MTUS1: variants seen among roughly 807,000 people sequenced by gnomAD.
MTUS1 encodes microtubule associated scaffold protein 1, also known as microtubule-associated tumor suppressor 1.
MTUS1 carries 109 observed loss-of-function variants against 120.8 expected under a neutral mutation model. The observed-to-expected ratio is 0.90, with a 90% CI of 0.77 to 1.06. MTUS1 has a LOEUF of 1.06. Ranked by LOEUF, MTUS1 falls within the 50% of genes least tolerant of loss-of-function variation. The probability of loss-of-function intolerance (pLI) is 0.00; values close to 1 mark genes in which losing one functional copy is unlikely to be tolerated. For synonymous variants in MTUS1, 737 were observed against 550.5 expected (o/e 1.34, Z -4.74); for missense variants, 2,210 against 1,486.3 (o/e 1.49, Z -8.01).
At chr8:17,672,583 G>A (rs1812250211) in intron 8 of MTUS1, among the ~76,000 whole-genome samples, 1 of 152,118 alleles carries the variant, frequency 6.6e-6, no homozygotes, top group South Asian at 2.1e-4. Context: ...TTCCTGGACC[G>A]CTTCATCACA....
chr8:17,723,044 T>C (rs911087888), intron 4 of MTUS1, among the ~76,000 whole-genome samples: 2 of 152,244 alleles, frequency 1.3e-5, no homozygotes, highest in African/African-American at 4.8e-5. Context: ...TCACTGCGCC[T>C]ATCATGGTGT....
intron 8 of MTUS1, among the ~76,000 whole-genome samples, chr8:17,663,728 TG>T (rs1450271623): frequency 1.3e-5 from 2 of 152,146 alleles, no homozygotes. Flanking sequence ...CCTGAGTAGC[TG>T]GGATTACAGG....
chr8:17,755,769 T>C lies in MTUS1; in HGVS notation c.39A>G (p.Glu13=). ...TATCACTGGTAAAGAAGGTTTGCAA[T>C]TCATCTTCTATTTTATCATCTGAAT... ...DDNSDDKIED[E]LQTFFTSDKD... Residue 13 remains glutamate, a synonymous_variant, in exon 2 of 15, where the codon GAA becomes GAG. Transcript: ENST00000693296. 1.2e-6 allele frequency: 2 copies of C among 1,613,878 alleles called. No individual in the cohort carries two copies. The highest frequency in any genetic ancestry group is 1.7e-5 in the Admixed American group (1 of 60,020).
chr8:17,724,820 C>T (rs1585976489), intron 3 of MTUS1, among the ~76,000 whole-genome samples: 1 of 152,224 alleles, frequency 6.6e-6, no homozygotes, highest in East Asian at 1.9e-4. Flanking sequence ...ACCTGCAGCC[C>T]TATCTTCCTT....
intron 1 of MTUS1, among the ~76,000 whole-genome samples, chr8:17,768,009 C>A (rs1227413156): frequency 6.6e-6 from 1 of 152,218 alleles, no homozygotes; most frequent in Non-Finnish European, 1.5e-5. Context: ...TAAAAGGCCA[C>A]TGCTGTGTCC....
At chr8:17,752,758 C>A (rs2048297801) in intron 2 of MTUS1, among the ~76,000 whole-genome samples, 1 of 152,154 alleles carries the variant, frequency 6.6e-6, no homozygotes. Context: ...CTGCCTTTCT[C>A]CGCTGGCACT....
intron 6 of MTUS1, among the ~76,000 whole-genome samples, chr8:17,687,211 T>C (rs1324873469): frequency 6.6e-6 from 1 of 152,168 alleles, no homozygotes; most frequent in African/African-American, 2.4e-5. Flanking sequence ...TGCTGTGCAG[T>C]CACCATCTTC....
chr8:17,713,774 G>A (rs1335141688), intron 5 of MTUS1, among the ~76,000 whole-genome samples: 5 of 152,138 alleles, frequency 3.3e-5, no homozygotes, highest in Non-Finnish European at 7.4e-5. Context: ...AATCTATGAT[G>A]CTTCTACTTA....
At chr8:17,718,304 C>T (rs527857186) in intron 4 of MTUS1, among the ~76,000 whole-genome samples, 1 of 152,282 alleles carries the variant, frequency 6.6e-6, no homozygotes, top group South Asian at 2.1e-4. Context: ...AAGTCCTCAG[C>T]GGCAACAATT....
At chr8:17,647,585 G>A (rs1806089806) in intron 13 of MTUS1, among the ~76,000 whole-genome samples, 1 of 152,104 alleles carries the variant, frequency 6.6e-6, no homozygotes, top group Non-Finnish European at 1.5e-5. Flanking sequence ...GCGTCTGAGT[G>A]GCCATACAAA....
At position 17,668,169 on chromosome 8, in the gene MTUS1, C is replaced by A. The variant is rs185200703; in HGVS notation, c.2905+7017G>T. Among the ~76,000 whole-genome samples, 39 of 152,320 alleles carry A rather than the reference C, an allele frequency of 2.6e-4. No individual in the cohort carries two copies. The East Asian group carries it at 5.4e-3, about 21-fold the overall frequency. ...ACGTGGCCCAGGACAGCTTTGAATG[C>A]GGCCCAACACAAATTTGTAAACTTT... is the stretch of plus-strand genomic sequence containing the variant. On this transcript the variant is annotated intron_variant, in intron 8 of 14. Coordinates refer to ENST00000693296, the MANE Select transcript of MTUS1 (RefSeq NM_001363059.2).
At chr8:17,780,327 C>G (rs2050776239) in intron 1 of MTUS1, among the ~76,000 whole-genome samples, 1 of 152,222 alleles carries the variant, frequency 6.6e-6, no homozygotes, top group African/African-American at 2.4e-5. Context: ...CAGCAACATG[C>G]TTCCTGCACA....
At position 17,800,445 on chromosome 8, in the gene MTUS1, G is replaced by C. The variant is rs190392015; in HGVS notation, c.-155+616C>G. On this transcript the variant is annotated intron_variant, in intron 1 of 14. Coordinates refer to ENST00000693296, the MANE Select transcript of MTUS1 (RefSeq NM_001363059.2). ...GTATGTGTAACTACGCAGGCTAAAT[G>C]AATTAACCTCTTCCTTCCTAGTCCC... Among the ~76,000 whole-genome samples the C allele has an allele frequency of 3.5e-4, 54 of 152,184 alleles. No individual in the cohort carries two copies. The East Asian group carries it at 9.5e-3, about 27-fold the overall frequency.
intron 1 of MTUS1, among the ~76,000 whole-genome samples, chr8:17,791,293 A>G (rs991048292): frequency 2.6e-5 from 4 of 152,248 alleles, no homozygotes; most frequent in African/African-American, 9.6e-5. Context: ...TGCCACAAAC[A>G]TAGGGAATTA....
intron 1 of MTUS1, among the ~76,000 whole-genome samples, chr8:17,788,727 C>T: frequency 6.6e-6 from 1 of 152,168 alleles, no homozygotes; most frequent in South Asian, 2.1e-4. Flanking sequence ...AAATACTCCT[C>T]CCAGAGGAAG....
intron 5 of MTUS1, among the ~76,000 whole-genome samples, chr8:17,714,360 T>C (rs371959551): frequency 1.3e-5 from 2 of 152,200 alleles, no homozygotes; most frequent in East Asian, 3.8e-4. Flanking sequence ...AGGAGGATGC[T>C]GTGACAGAGT....
intron 1 of MTUS1, among the ~76,000 whole-genome samples, chr8:17,797,637 C>G (rs1391770054): frequency 6.6e-6 from 1 of 152,110 alleles, no homozygotes; most frequent in African/African-American, 2.4e-5. Flanking sequence ...GCCACAGTCA[C>G]CACTGTATCC....
chr8:17,729,543 C>G (rs1339066586), intron 3 of MTUS1, among the ~76,000 whole-genome samples: 1 of 152,054 alleles, frequency 6.6e-6, no homozygotes, highest in Non-Finnish European at 1.5e-5. Flanking sequence ...TGCACTGTTT[C>G]TGTGAATAAA....
At chr8:17,720,156 C>T (rs148035110) in intron 4 of MTUS1, among the ~76,000 whole-genome samples, 2 of 152,168 alleles carry the variant, frequency 1.3e-5, no homozygotes, top group East Asian at 3.9e-4. Context: ...ACCATCCTGG[C>T]CAACATGGTG....
Sources: gnomAD v4.1 joint callset for allele counts (sites outside exome capture counted in the v4.1 genomes callset) on GRCh38, gnomAD v4.1.1 for gene constraint, MANE v1.5 for transcripts, NCBI Gene and HGNC (gene_info 2026-07-23, HGNC 2026-07-21) for gene names.